SLC5A1: variants seen among roughly 807,000 people sequenced by gnomAD.
SLC5A1 encodes solute carrier family 5 member 1, also known as sodium/glucose cotransporter 1.
A neutral mutation model predicts 73.5 loss-of-function variants in SLC5A1; 42 were observed. That is an observed-to-expected ratio of 0.57 (90% CI 0.45 to 0.74). The LOEUF (loss-of-function observed/expected upper bound fraction) is 0.74, where lower values mean the gene tolerates loss of function less well. Among genes scored for constraint, SLC5A1 ranks in the 30% least tolerant of loss-of-function variants. The pLI, the probability that SLC5A1 is intolerant of heterozygous loss-of-function variation, is 0.00. For missense variants in SLC5A1, 634 were observed against 855.4 expected, an observed-to-expected ratio of 0.74 and a Z score of 3.23; for synonymous variants, 300 against 317.4, an observed-to-expected ratio of 0.95 and a Z score of 0.58.
rs550314133 is a variant in SLC5A1 at position 32,043,469 on chromosome 22, C to A, written c.135+53C>A. The stretch of plus-strand genomic sequence containing the variant: ...GGGGAGGGTGCGCACAGAGGAGGAG[C>A]AATGGCCTCGCTGAGCTGCAAGGGG... On this transcript the variant is annotated intron_variant, in intron 1 of 14. Transcript: ENST00000266088. The surrounding 1 kb of genome is among the most constrained non-coding windows in gnomAD (Gnocchi z 6.5). The A allele has an allele frequency of 1.8e-5, 29 of 1,596,696 alleles. No individual in the cohort carries two copies. In the East Asian group the frequency reaches 6.3e-4, roughly 35 times the overall value.
At chr22:32,104,968 C>A in intron 14 of SLC5A1, 77 bp downstream of exon 14, 1 of 1,062,632 alleles carries the variant, frequency 9.4e-7, no homozygotes, top group Non-Finnish European at 1.4e-6. Context: ...AAGTTCTTCC[C>A]TAAATAATTT....
At chr22:32,091,831 A>G in intron 11 of SLC5A1, 69 bp downstream of exon 11, 1 of 1,538,770 alleles carries the variant, frequency 6.5e-7, no homozygotes, top group Non-Finnish European at 9.0e-7. Flanking sequence ...GTTACCCCTC[A>G]AGCTAGGGAA....
At position 32,068,597 on chromosome 22, in the gene SLC5A1, C is replaced by A; in HGVS notation, c.474C>A (p.Ile158=). The A allele has an allele frequency of 6.2e-7, 1 of 1,605,756 alleles. No individual in the cohort carries two copies. Residue 158 remains isoleucine (I), a synonymous_variant, in exon 5 of 15, where the codon ATC becomes ATA. Coordinates refer to ENST00000266088, the MANE Select transcript of SLC5A1 (RefSeq NM_000343.4). ...LSLLLYIFTK[I]SADIFSGAIF... ...TGCTGCTCTACATTTTCACCAAGAT[C>A]TCGGTGAGTCCACTGCCCCAGAGGG...
intron 9 of SLC5A1, 70 bp downstream of exon 9, chr22:32,085,105 T>C: frequency 6.4e-7 from 1 of 1,573,710 alleles, no homozygotes; most frequent in Non-Finnish European, 8.7e-7. Context: ...TAAAGCTCTA[T>C]AGCTTCCCGC....
At chr22:32,061,779 A>G (rs144982546) in intron 2 of SLC5A1, among the ~76,000 whole-genome samples, 11 of 152,296 alleles carry the variant, frequency 7.2e-5, no homozygotes, top group Admixed American at 7.2e-4. Context: ...TGATGTTAAA[A>G]TCTTACAGGA....
chr22:32,059,030 C>A, intron 2 of SLC5A1: 1 of 800,446 alleles, frequency 1.2e-6, no homozygotes, highest in Non-Finnish European at 1.5e-6. Flanking sequence ...ATCACTTACT[C>A]ACTCAGCAGA....
chr22:32,091,571 A>C, intron 10 of SLC5A1, 41 bp from the exon 11 acceptor site: 1 of 1,611,660 alleles, frequency 6.2e-7, no homozygotes, highest in African/African-American at 1.3e-5. Flanking sequence ...AAAAGAGCTG[A>C]AGGTGCTGTT....
rs2094056604 is a variant in SLC5A1 at position 32,111,340 on chromosome 22, T to A, written c.*1127T>A. The A allele has an allele frequency of 6.6e-6, 1 of 152,170 alleles. No individual in the cohort carries two copies. 9.4% of individuals were successfully genotyped at this position (152,170 alleles called of 1,614,324 possible). A position where few individuals can be genotyped will look rare whatever the true frequency, so the allele number is the denominator to read the frequency against. On this transcript the variant is annotated 3_prime_UTR_variant, in exon 15 of 15. Coordinates refer to ENST00000266088, the MANE Select transcript of SLC5A1 (RefSeq NM_000343.4). ...GCCTTCCTTTTGTCTGTGTCCTAAA[T>A]CTACTCTTCTGATAAGGACATCAGT...
chr22:32,091,475 T>C (rs1603135066), intron 10 of SLC5A1, 137 bp from the exon 11 acceptor site: 2 of 968,218 alleles, frequency 2.1e-6, no homozygotes, highest in East Asian at 2.5e-5. Context: ...TTAAAGCTTC[T>C]AGTCTTTTTG....
At chr22:32,055,855 C>T (rs1182195486) in intron 2 of SLC5A1, among the ~76,000 whole-genome samples, 1 of 152,220 alleles carries the variant, frequency 6.6e-6, no homozygotes, top group Non-Finnish European at 1.5e-5. Context: ...TAGCATTCTC[C>T]TCTCCCTTTC....
chr22:32,098,791 T>C (rs79476250), intron 11 of SLC5A1, among the ~76,000 whole-genome samples: 10,155 of 152,138 alleles, frequency 0.067, 655 homozygotes, highest in African/African-American at 0.17. Context: ...CATAGCAATA[T>C]ATACTCATGT....
rs1435524515 is a variant in SLC5A1 at position 32,112,814 on chromosome 22, T to G, written c.*2601T>G. 1 of 152,162 alleles carries G rather than the reference T, an allele frequency of 6.6e-6. No individual in the cohort carries two copies. Among genetic ancestry groups the G allele is most frequent in the Non-Finnish European group, 1.5e-5 (1 of 68,032 alleles). The allele number at this position is 152,162 out of a possible 1,614,324, so 9.4% of individuals were successfully genotyped here. ...TAAGTTCAGAAAATCAATTGTACAA[T>G]GTATCAATTATAGTTAATAGCAATA... On this transcript the variant is annotated 3_prime_UTR_variant, in exon 15 of 15. Transcript: ENST00000266088.
At position 32,081,942 on chromosome 22, in the gene SLC5A1, T is replaced by G; in HGVS notation, c.554T>G (p.Leu185Trp). 1.2e-6 allele frequency: 2 copies of G among 1,612,678 alleles called. No homozygotes were observed. Among genetic ancestry groups the G allele is most frequent in the Non-Finnish European group, 1.7e-6 (2 of 1,178,692 alleles). Residue 185 changes from leucine to tryptophan, a missense_variant, in exon 6 of 15, where the codon TTG becomes TGG. This residue lies in a region of SLC5A1 where 422 missense variants were observed against 626.1 expected (regional missense o/e 0.67). Transcript: ENST00000266088. ...CTGTATTTAGCCATCTTTCTCTTAT[T>G]GGCAATCACTGCCCTTTACACAATT... ...LNLYLAIFLL[L>W]AITALYTITG...
chr22:32,086,808 T>C (rs1370620370), intron 10 of SLC5A1, among the ~76,000 whole-genome samples: 1 of 152,210 alleles, frequency 6.6e-6, no homozygotes, highest in Non-Finnish European at 1.5e-5. Flanking sequence ...ATGTTCACTG[T>C]AGCATTGTTC....
chr22:32,059,445 C>A, intron 2 of SLC5A1: 1 of 709,868 alleles, frequency 1.4e-6, no homozygotes, highest in Non-Finnish European at 1.7e-6. Flanking sequence ...ATAGACAGAG[C>A]TTGATGAAGA....
At chr22:32,096,895 T>C (rs2094027138) in intron 11 of SLC5A1, among the ~76,000 whole-genome samples, 1 of 152,170 alleles carries the variant, frequency 6.6e-6, no homozygotes, top group Non-Finnish European at 1.5e-5. Context: ...AAAGCAAACA[T>C]GGTAGGCCAC....
chr22:32,086,068 G>A, intron 9 of SLC5A1, 152 bp from the exon 10 acceptor site: 2 of 631,824 alleles, frequency 3.2e-6, no homozygotes, highest in South Asian at 1.4e-5. Context: ...GTGAACCCGG[G>A]AGGCAGAGCT....
chr22:32,085,555 T>C (rs886170793), intron 9 of SLC5A1, among the ~76,000 whole-genome samples: 5 of 151,378 alleles, frequency 3.3e-5, no homozygotes, highest in African/African-American at 1.2e-4. Context: ...CCTTTTTTTT[T>C]TTTTTTTTTT....
rs1308162542 is a variant in SLC5A1, at chr22:32,099,171, C to CTTTAA, written c.1281-8_1281-4dup. On this transcript the variant is annotated splice_polypyrimidine_tract_variant and intron_variant, in intron 11 of 14. Transcript: ENST00000266088. ...ATTTATTGACACCTTGTTGTGGGGGCTTTAATTTCAGGTTGTTTATCCTGG... is the reference window on the plus strand; with the variant it reads ...ATTTATTGACACCTTGTTGTGGGGGCTTTAATTTAATTTCAGGTTGTTTATCCTGG... The CTTTAA allele has an allele frequency of 1.9e-6, 3 of 1,559,362 alleles. No individual in the cohort carries two copies. The Admixed American group carries it at 5.2e-5, about 27-fold the overall frequency.
Sources: gnomAD v4.1 joint callset for allele counts (sites outside exome capture counted in the v4.1 genomes callset) on GRCh38, gnomAD v4.1.1 for gene constraint, gnomAD v4.1.1 regional missense constraint, Gnocchi (gnomAD v3.1) non-coding constraint, MANE v1.5 for transcripts, NCBI Gene and HGNC (gene_info 2026-07-23, HGNC 2026-07-21) for gene names.